CASP10: variants seen among roughly 807,000 people sequenced by gnomAD.
CASP10 encodes the protein caspase 10.
In CASP10, 41 loss-of-function variants were observed where a neutral mutation model predicts 48.5. The ratio of observed to expected loss-of-function variants is 0.85; its 90% CI spans 0.66 to 1.10. The LOEUF (loss-of-function observed/expected upper bound fraction) is 1.10. Among genes scored for constraint, CASP10 ranks in the 50% least tolerant of loss-of-function variants. The pLI is 0.00. For missense variants in CASP10, 614 were observed against 614.5 expected (o/e 1.00, Z 0.01); for synonymous variants, 232 against 238.4 (o/e 0.97, Z 0.25).
At chr2:201,209,813 T>A (rs779479890) in intron 9 of CASP10, among the ~76,000 whole-genome samples, 3 of 151,998 alleles carry the variant, frequency 2.0e-5, no homozygotes, top group Non-Finnish European at 4.4e-5. Context: ...CCAGCAACCT[T>A]GTATTGAGTA....
intron 9 of CASP10, 31 bp from the exon 10 acceptor site, chr2:201,217,557 A>C: frequency 6.4e-7 from 1 of 1,558,236 alleles, no homozygotes; most frequent in Non-Finnish European, 8.9e-7. Context: ...AGACTCCGTA[A>C]AAAAAAATTT....
At chr2:201,212,600 G>A (rs1295059282) in intron 9 of CASP10, 4 of 152,202 alleles carry the variant, frequency 2.6e-5, no homozygotes, top group Admixed American at 2.6e-4. Context: ...TGCTGTGTTA[G>A]CATCTGCTTG....
chr2:201,228,786 C>T, intron 9 of CASP10: 1 of 702,652 alleles, frequency 1.4e-6, no homozygotes, highest in Non-Finnish European at 2.5e-6. Flanking sequence ...TGCTCCATTA[C>T]TGATGAGAAA....
At chr2:201,224,122 C>T (rs1559318546), downstream of CASP10, among the ~76,000 whole-genome samples, 1 of 152,124 alleles carries the variant, frequency 6.6e-6, no homozygotes, top group Non-Finnish European at 1.5e-5. Flanking sequence ...TGGGCGCCCG[C>T]TACCACGCCC....
At chr2:201,190,871 A>ATTT (rs1365050812) in intron 3 of CASP10, among the ~76,000 whole-genome samples, 1 of 151,584 alleles carries the variant, frequency 6.6e-6, no homozygotes, top group African/African-American at 2.4e-5. Flanking sequence ...TATTATTATT[A>ATTT]TTATTTTTAG....
intron 5 of CASP10, among the ~76,000 whole-genome samples, chr2:201,198,616 C>G (rs1944895295): frequency 6.9e-6 from 1 of 145,698 alleles, no homozygotes; most frequent in Non-Finnish European, 1.5e-5. Context: ...TCTCAGCTCA[C>G]TGCAAGCTCC....
chr2:201,186,261 C>T, intron 2 of CASP10, 137 bp downstream of exon 2: 1 of 709,658 alleles, frequency 1.4e-6, no homozygotes, highest in South Asian at 1.6e-5. Flanking sequence ...AGATTCTAAA[C>T]CTCCTTCTCA....
rs1246940959 is a variant in CASP10, at chr2:201,221,606, T to C, written c.*3865T>C. 6.6e-6 allele frequency: 1 copy of C among 152,196 alleles called. No individual in the cohort carries two copies. Among genetic ancestry groups the C allele is most frequent in the Non-Finnish European group, 1.5e-5 (1 of 68,084 alleles). The allele number at this position is 152,196 out of a possible 1,614,324, so 9.4% of individuals were successfully genotyped here. ...CACCCCTATCTCCCTTCACTGACTTTCTTTTCGGACTCAGCCCACCTGCAC... is the reference window on the plus strand; with the variant it reads ...CACCCCTATCTCCCTTCACTGACTTCCTTTTCGGACTCAGCCCACCTGCAC... On this transcript the variant is annotated 3_prime_UTR_variant, in exon 10 of 10. Coordinates refer to ENST00000286186, the MANE Select transcript of CASP10 (RefSeq NM_032977.4).
At chr2:201,203,831 T>C in intron 6 of CASP10, 65 bp downstream of exon 6, 1 of 1,246,664 alleles carries the variant, frequency 8.0e-7, no homozygotes, top group Non-Finnish European at 1.2e-6. Flanking sequence ...ATATTTGATA[T>C]ATACCAAGGA....
In CASP10 at chr2:201,221,032, A is replaced by G; in HGVS notation, c.*3291A>G. 2 of 985,458 alleles carry G rather than the reference A, an allele frequency of 2.0e-6. No individual in the cohort carries two copies. Among genetic ancestry groups the G allele is most frequent in the African/African-American group, 3.5e-5 (2 of 57,370 alleles). The allele number at this position is 985,458 out of a possible 1,614,324, so 61.0% of individuals were successfully genotyped here. A position where few individuals can be genotyped will look rare whatever the true frequency, so the allele number is the denominator to read the frequency against. ...GAAAAAGAATGTGTCCTATGTGTGC[A>G]TCTATTTAAATCTAACTGTGCTGAG... On this transcript the variant is annotated 3_prime_UTR_variant, in exon 10 of 10. Coordinates refer to ENST00000286186, the MANE Select transcript of CASP10 (RefSeq NM_032977.4).
chr2:201,209,698 C>T (rs1945333613), intron 9 of CASP10, 136 bp downstream of exon 9: 4 of 846,964 alleles, frequency 4.7e-6, no homozygotes, highest in Admixed American at 3.0e-5. Context: ...CATCTGCCTA[C>T]CCTCCTGTTT....
downstream of CASP10, among the ~76,000 whole-genome samples, chr2:201,223,534 G>A (rs1945750674): frequency 6.6e-6 from 1 of 152,178 alleles, no homozygotes; most frequent in Admixed American, 6.5e-5. Context: ...ACAGCTTTAA[G>A]TGTTCTCTTC....
downstream of CASP10, among the ~76,000 whole-genome samples, chr2:201,224,394 C>T (rs541514729): frequency 2.0e-4 from 31 of 152,244 alleles, no homozygotes; most frequent in Middle Eastern, 3.4e-3. Flanking sequence ...TATTTCCTAA[C>T]ATAACTTTTG....
At chr2:201,210,583 T>C (rs1191387257) in intron 9 of CASP10, among the ~76,000 whole-genome samples, 1 of 152,224 alleles carries the variant, frequency 6.6e-6, no homozygotes, top group Non-Finnish European at 1.5e-5. Context: ...AGTGCTCTTC[T>C]GGGAATTCAG....
In CASP10 at chr2:201,221,154, T is replaced by G; in HGVS notation, c.*3413T>G. 1 of 985,404 alleles carries G rather than the reference T, an allele frequency of 1.0e-6. No homozygotes were observed. The highest frequency in any genetic ancestry group is 1.2e-6 in the Non-Finnish European group (1 of 829,908). The allele number at this position is 985,404 out of a possible 1,614,324, so 61.0% of individuals were successfully genotyped here. On this transcript the variant is annotated 3_prime_UTR_variant, in exon 10 of 10. Coordinates refer to ENST00000286186, the MANE Select transcript of CASP10 (RefSeq NM_032977.4). The stretch of plus-strand genomic sequence containing the variant: ...CCTTTGTGCGTAATTCCAGCTGACT[T>G]TATTAGCGGCAACTCAGCACTAGCA...
At chr2:201,187,639 A>G in intron 2 of CASP10, 67 bp from the exon 3 acceptor site, 1 of 1,087,354 alleles carries the variant, frequency 9.2e-7, no homozygotes, top group Non-Finnish European at 1.4e-6. Flanking sequence ...TTATGAAAGC[A>G]CTTGATTGAT....
chr2:201,204,018 G>A (rs993934634), intron 6 of CASP10, among the ~76,000 whole-genome samples: 6 of 152,080 alleles, frequency 3.9e-5, no homozygotes, highest in Non-Finnish European at 5.9e-5. Flanking sequence ...GACTGCAGGC[G>A]GCTGTTCTTC....
chr2:201,194,173 G>A (rs1944710972), intron 4 of CASP10, among the ~76,000 whole-genome samples: 1 of 151,788 alleles, frequency 6.6e-6, no homozygotes. Flanking sequence ...TATACAGATA[G>A]AAGCACAGGG....
At chr2:201,187,579 A>C (rs568058712) in intron 2 of CASP10, 127 bp from the exon 3 acceptor site, 8 of 791,464 alleles carry the variant, frequency 1.0e-5, no homozygotes, top group South Asian at 9.6e-5. Flanking sequence ...TATAAATGGG[A>C]TTAATAATTG....
Sources: gnomAD v4.1 joint callset for allele counts (sites outside exome capture counted in the v4.1 genomes callset) on GRCh38, gnomAD v4.1.1 for gene constraint, MANE v1.5 for transcripts, NCBI Gene and HGNC (gene_info 2026-07-23, HGNC 2026-07-21) for gene names.